CREG2: variants seen among roughly 807,000 people sequenced by gnomAD.
The protein encoded by CREG2 is cellular repressor of E1A stimulated genes 2, also known as protein CREG2.
In CREG2, 24 loss-of-function variants were observed where a neutral mutation model predicts 26.2. The ratio of observed to expected loss-of-function variants is 0.92; its 90% confidence interval spans 0.66 to 1.29. The LOEUF (loss-of-function observed/expected upper bound fraction) is 1.29. Ranked by LOEUF, CREG2 falls within the 50% of genes most tolerant of loss-of-function variation. CREG2 has a pLI of 0.00. For synonymous variants in CREG2, 174 were observed against 169.2 expected (o/e 1.03, Z -0.22); for missense variants, 366 against 398.6 (o/e 0.92, Z 0.70).
intron 2 of CREG2, among the ~76,000 whole-genome samples, chr2:101,362,015 C>A (rs749960989): frequency 4.6e-5 from 7 of 152,266 alleles, no homozygotes; most frequent in Non-Finnish European, 5.9e-5. Flanking sequence ...CTAGTCCATC[C>A]CCAGGTCCCG....
At chr2:101,384,830 C>T (rs755911619) in intron 1 of CREG2, among the ~76,000 whole-genome samples, 3 of 152,150 alleles carry the variant, frequency 2.0e-5, no homozygotes, top group Non-Finnish European at 2.9e-5. Context: ...CACTGCATTC[C>T]AGCCTGGGTG....
chr2:101,379,296 C>T (rs1042902767), intron 2 of CREG2, among the ~76,000 whole-genome samples: 6 of 152,134 alleles, frequency 3.9e-5, no homozygotes, highest in Non-Finnish European at 8.8e-5. Flanking sequence ...ATGAACTAGC[C>T]CAGGCTGGAC....
At chr2:101,383,448 C>G (rs528525306) in intron 2 of CREG2, 85 bp downstream of exon 2, 1 of 1,301,812 alleles carries the variant, frequency 7.7e-7, no homozygotes, top group East Asian at 2.4e-5. Flanking sequence ...CTGTTAAAGT[C>G]ATGTGACCCA....
intron 2 of CREG2, among the ~76,000 whole-genome samples, chr2:101,378,877 G>C (rs1333008040): frequency 6.6e-6 from 1 of 151,966 alleles, no homozygotes; most frequent in Non-Finnish European, 1.5e-5. Context: ...ACGGTGGTGG[G>C]TGTCTGTAAT....
In CREG2 at chr2:101,368,889, T is replaced by C. The variant is rs140340102; in HGVS notation, c.612-13523A>G. On this transcript the variant is annotated intron_variant, in intron 2 of 3. Transcript: ENST00000324768. The stretch of plus-strand genomic sequence containing the variant: ...CTTGGCCTTCCACCCTCCAGAACTG[T>C]GGGAAATAAGTTTCTGTTGTTTCTA... Among the ~76,000 whole-genome samples, 502 of 152,274 alleles carry C rather than the reference T, an allele frequency of 3.3e-3. 4 individuals carry two copies. The highest frequency in any genetic ancestry group is 0.012 in the African/African-American group (483 of 41,546).
chr2:101,363,678 A>AT (rs1684577102), intron 2 of CREG2, among the ~76,000 whole-genome samples: 2 of 152,210 alleles, frequency 1.3e-5, no homozygotes, highest in African/African-American at 4.8e-5. Flanking sequence ...TTAACCTTTG[A>AT]TTTTTTTATA....
chr2:101,375,208 C>T (rs1310030227), intron 2 of CREG2, among the ~76,000 whole-genome samples: 4 of 152,156 alleles, frequency 2.6e-5, no homozygotes, highest in Admixed American at 6.5e-5. Flanking sequence ...CAAGTTGTTC[C>T]GAGGGATCCT....
intron 2 of CREG2, among the ~76,000 whole-genome samples, chr2:101,363,233 G>A (rs1475949463): frequency 6.6e-6 from 1 of 152,196 alleles, no homozygotes; most frequent in Non-Finnish European, 1.5e-5. Flanking sequence ...TCTGAATTGG[G>A]AGAATGATCA....
At chr2:101,380,769 C>T (rs962407127) in intron 2 of CREG2, among the ~76,000 whole-genome samples, 21 of 134,936 alleles carry the variant, frequency 1.6e-4, no homozygotes, top group South Asian at 1.4e-3. Context: ...TGGTGAAATC[C>T]CATCCCTACT....
chr2:101,373,830 T>C (rs147304348), intron 2 of CREG2, among the ~76,000 whole-genome samples: 4 of 152,328 alleles, frequency 2.6e-5, no homozygotes, highest in African/African-American at 9.6e-5. Context: ...GCTTTCTCTT[T>C]ACAAAGTTCT....
intron 2 of CREG2, among the ~76,000 whole-genome samples, chr2:101,380,934 C>T (rs1017943014): frequency 6.9e-6 from 1 of 144,938 alleles, no homozygotes; most frequent in African/African-American, 2.7e-5. Context: ...CAGAGTGAGA[C>T]TCCATCTCAA....
In CREG2 at chr2:101,346,650, C is replaced by A. The variant is rs1684310888; in HGVS notation, c.*4273G>T. The A allele has an allele frequency of 6.6e-6, 1 of 152,148 alleles. No homozygotes were observed. Among genetic ancestry groups the A allele is most frequent in the Admixed American group, 6.5e-5 (1 of 15,280 alleles). 9.4% of individuals were successfully genotyped at this position (152,148 alleles called of 1,614,324 possible). A position where few individuals can be genotyped will look rare whatever the true frequency, so the allele number is the denominator to read the frequency against. Reference sequence around the variant, plus strand: ...CTTTGTACTAGGTTTTGGCTTATAGCTCAGTTCCTCATTTTATTAGGGACT... The same window carrying A: ...CTTTGTACTAGGTTTTGGCTTATAGATCAGTTCCTCATTTTATTAGGGACT... On this transcript the variant is annotated 3_prime_UTR_variant, in exon 4 of 4. Transcript: ENST00000324768.
rs1005547037 is a variant in CREG2 at position 101,374,078 on chromosome 2, C to T, written c.611+9455G>A. Among the ~76,000 whole-genome samples the T allele has an allele frequency of 3.3e-5, 5 of 152,160 alleles. No individual in the cohort carries two copies. The East Asian group carries it at 5.8e-4, about 18-fold the overall frequency. On this transcript the variant is annotated intron_variant, in intron 2 of 3. Coordinates refer to ENST00000324768, the MANE Select transcript of CREG2 (RefSeq NM_153836.4). The stretch of plus-strand genomic sequence containing the variant: ...ATGGGGTTTCACCCCATCGACTCAA[C>T]GGCCTGCCCTGAGTCGTTTTTAAAA...
At position 101,348,655 on chromosome 2, in the gene CREG2, A is replaced by G. The variant is rs1414482838; in HGVS notation, c.*2268T>C. The G allele has an allele frequency of 3.3e-5, 5 of 151,790 alleles. No homozygotes were observed. The highest frequency in any genetic ancestry group is 3.3e-4 in the Admixed American group (5 of 15,232). 9.4% of individuals were successfully genotyped at this position (151,790 alleles called of 1,614,324 possible). A position where few individuals can be genotyped will look rare whatever the true frequency, so the allele number is the denominator to read the frequency against. On this transcript the variant is annotated 3_prime_UTR_variant, in exon 4 of 4. Transcript: ENST00000324768. ...ATCTTGTGTCCTGAGACCTTGTTGC[A>G]CTCACATACTAGTTCCAGAGTTTTT...
Position 101,387,347 on chromosome 2 carries a change from G to A in CREG2, c.111C>T (p.Ser37=), listed in dbSNP as rs758474796. 2 of 1,492,110 alleles carry A rather than the reference G, an allele frequency of 1.3e-6. No individual in the cohort carries two copies. The highest frequency in any genetic ancestry group is 1.4e-5 in the African/African-American group (1 of 69,242). 92.4% of individuals were successfully genotyped at this position (1,492,110 alleles called of 1,614,324 possible). A position where few individuals can be genotyped will look rare whatever the true frequency, so the allele number is the denominator to read the frequency against. ...SPAAGYVIVS[S]VSWAVTNEVD... The stretch of plus-strand genomic sequence containing the variant: ...CCTCGTTGGTGACGGCCCAAGACAC[G>A]GAGCTCACGATCACGTAGCCCGCGG... Residue 37 remains serine (S), a synonymous_variant, in exon 1 of 4, where the codon TCC becomes TCT. Coordinates refer to ENST00000324768, the MANE Select transcript of CREG2 (RefSeq NM_153836.4). The surrounding 1 kb of genome is among the most constrained non-coding windows in gnomAD (Gnocchi z 4.7).
rs147763990 is a variant in CREG2, at chr2:101,360,801, T to C, written c.612-5435A>G. Among the ~76,000 whole-genome samples the C allele has an allele frequency of 2.5e-3, 382 of 151,812 alleles. 1 individual carries two copies. The highest frequency in any genetic ancestry group is 8.4e-3 in the African/African-American group (346 of 41,378). On this transcript the variant is annotated intron_variant, in intron 2 of 3. Coordinates refer to ENST00000324768, the MANE Select transcript of CREG2 (RefSeq NM_153836.4). Reference sequence around the variant, plus strand: ...TAGTTTTGATACTGGAAAAATGTGGTTGTTAAGTTGTAAATTTTTCTTCTG... The same window carrying C: ...TAGTTTTGATACTGGAAAAATGTGGCTGTTAAGTTGTAAATTTTTCTTCTG...
chr2:101,382,936 C>A (rs536097915), intron 2 of CREG2: 1 of 985,508 alleles, frequency 1.0e-6, no homozygotes. Context: ...GGGGAGGATG[C>A]GAGTTCAGGC....
chr2:101,381,224 G>A (rs568338949), intron 2 of CREG2, among the ~76,000 whole-genome samples: 1 of 152,134 alleles, frequency 6.6e-6, no homozygotes, highest in African/African-American at 2.4e-5. Context: ...GCTGTCCTTC[G>A]AAGCTCTACC....
In CREG2 at chr2:101,346,187, T is replaced by C. The variant is rs998500246; in HGVS notation, c.*4736A>G. 7.9e-5 allele frequency: 12 copies of C among 152,124 alleles called. No homozygotes were observed. The highest frequency in any genetic ancestry group is 2.4e-4 in the African/African-American group (10 of 41,400). The allele number at this position is 152,124 out of a possible 1,614,324, so 9.4% of individuals were successfully genotyped here. On this transcript the variant is annotated 3_prime_UTR_variant, in exon 4 of 4. Coordinates refer to ENST00000324768, the MANE Select transcript of CREG2 (RefSeq NM_153836.4). ...GCGACTCTCTTATAAACAGCTAATA[T>C]ATACAAGGCATATTGAAATAAGTAA...
Sources: gnomAD v4.1 joint callset for allele counts (sites outside exome capture counted in the v4.1 genomes callset) on GRCh38, gnomAD v4.1.1 for gene constraint, Gnocchi (gnomAD v3.1) non-coding constraint, MANE v1.5 for transcripts, NCBI Gene and HGNC (gene_info 2026-07-23, HGNC 2026-07-21) for gene names.